Variants in CTBP2 observed in about 807,000 individuals in gnomAD.
CTBP2 encodes the protein C-terminal-binding protein 2.
CTBP2 carries 30 observed loss-of-function variants against 80.3 expected under a neutral mutation model. The ratio of observed to expected loss-of-function variants is 0.37; its 90% CI spans 0.28 to 0.51. The LOEUF is 0.51. CTBP2 is among the 20% of genes least tolerant of loss of function. The probability of loss-of-function intolerance (pLI) is 0.93; values close to 1 mark genes in which losing one functional copy is unlikely to be tolerated. For synonymous variants in CTBP2, 594 were observed against 587.4 expected, an observed-to-expected ratio of 1.01 and a Z score of -0.16; for missense variants, 1,212 against 1,375.3, an observed-to-expected ratio of 0.88 and a Z score of 1.88.
chr10:125,137,024 G>A (rs969632464), intron 1 of CTBP2, among the ~76,000 whole-genome samples: 5 of 152,182 alleles, frequency 3.3e-5, no homozygotes, highest in Admixed American at 2.0e-4. Flanking sequence ...CATCACCGCC[G>A]AAAACGAGAA....
At chr10:125,037,051 T>C (rs1271803727) in intron 3 of CTBP2, among the ~76,000 whole-genome samples, 1 of 152,242 alleles carries the variant, frequency 6.6e-6, no homozygotes, top group Non-Finnish European at 1.5e-5. Context: ...TCTGCGTTGA[T>C]AGTTATTGAG....
chr10:125,051,331 C>A (rs1962699307), intron 2 of CTBP2, among the ~76,000 whole-genome samples: 2 of 152,162 alleles, frequency 1.3e-5, no homozygotes, highest in African/African-American at 4.8e-5. Context: ...TCAATTAAGT[C>A]CCCAAAGCAA....
chr10:125,147,644 C>T (rs1859026981), intron 1 of CTBP2, among the ~76,000 whole-genome samples: 1 of 152,008 alleles, frequency 6.6e-6, no homozygotes, highest in South Asian at 2.1e-4. Flanking sequence ...CACCTGTAAT[C>T]CTAACACTTT....
Position 124,987,213 on chromosome 10 carries a change from A to G in CTBP2, c.*2305T>C, listed in dbSNP as rs1952072512. On this transcript the variant is annotated 3_prime_UTR_variant, in exon 9 of 9. Coordinates refer to ENST00000309035, the MANE Select transcript of CTBP2 (RefSeq NM_022802.3). ...CCAAGATAGAATATAGTCCTTTTTC[A>G]AAGATGATTATACGTGGCTAGGTGA... is the stretch of plus-strand genomic sequence containing the variant. 6.6e-6 allele frequency: 1 copy of G among 152,516 alleles called. No homozygotes were observed. The highest frequency in any genetic ancestry group is 2.4e-5 in the African/African-American group (1 of 41,396). The allele number at this position is 152,516 out of a possible 1,614,324, so 9.4% of individuals were successfully genotyped here.
chr10:125,081,206 C>T (rs938781254), intron 2 of CTBP2, among the ~76,000 whole-genome samples: 3 of 152,156 alleles, frequency 2.0e-5, no homozygotes, highest in Non-Finnish European at 2.9e-5. Flanking sequence ...CTGCTCTCTT[C>T]AAAAACATCA....
At chr10:125,024,009 G>A (rs1157719196) in intron 1 of CTBP2, among the ~76,000 whole-genome samples, 1 of 152,158 alleles carries the variant, frequency 6.6e-6, no homozygotes, top group Non-Finnish European at 1.5e-5. Context: ...AAGCAACACT[G>A]GATTTCCAGA....
intron 1 of CTBP2, among the ~76,000 whole-genome samples, chr10:125,137,749 TGC>T (rs1485007669): frequency 6.6e-6 from 1 of 152,250 alleles, no homozygotes; most frequent in Non-Finnish European, 1.5e-5. Flanking sequence ...AATAACCTTC[TGC>T]CAGCCTCTAG....
chr10:125,114,327 C>A (rs772673721), intron 1 of CTBP2, among the ~76,000 whole-genome samples: 2 of 152,122 alleles, frequency 1.3e-5, no homozygotes, highest in African/African-American at 4.8e-5. Flanking sequence ...TTAAACATCC[C>A]GCGGCAAATG....
intron 2 of CTBP2, among the ~76,000 whole-genome samples, chr10:125,065,491 G>A (rs913386463): frequency 2.0e-5 from 3 of 152,196 alleles, no homozygotes; most frequent in Admixed American, 6.5e-5. Flanking sequence ...GCGAGGTGGC[G>A]AAGGGAAGAG....
At chr10:125,119,755 T>C (rs1405275245) in intron 1 of CTBP2, among the ~76,000 whole-genome samples, 1 of 152,270 alleles carries the variant, frequency 6.6e-6, no homozygotes, top group African/African-American at 2.4e-5. Flanking sequence ...TTATTTCTTA[T>C]ACTTTCCTGT....
rs771314435 is a variant in CTBP2, at chr10:124,984,937, G to C, written c.*4581C>G. 1.2e-6 allele frequency: 2 copies of C among 1,613,920 alleles called. No individual in the cohort carries two copies. The highest frequency in any genetic ancestry group is 1.7e-6 in the Non-Finnish European group (2 of 1,179,996). On this transcript the variant is annotated 3_prime_UTR_variant, in exon 9 of 9. Coordinates refer to ENST00000309035, the MANE Select transcript of CTBP2 (RefSeq NM_022802.3). ...TGGCTTGACCGCTACCGACAGATCC[G>C]GCCGTGTACATCCCTGTCTGATGGA...
chr10:125,128,936 T>C (rs1037992785), intron 1 of CTBP2, among the ~76,000 whole-genome samples: 9 of 152,186 alleles, frequency 5.9e-5, no homozygotes, highest in African/African-American at 2.2e-4. Flanking sequence ...GAAACTGCGG[T>C]CGAGTCATTC....
chr10:125,097,028 A>G (rs1849647537), intron 2 of CTBP2, among the ~76,000 whole-genome samples: 1 of 152,238 alleles, frequency 6.6e-6, no homozygotes, highest in African/African-American at 2.4e-5. Context: ...CTCTCAGTAT[A>G]TAAAACTGTC....
At chr10:125,106,429 G>A (rs570090205) in intron 2 of CTBP2, among the ~76,000 whole-genome samples, 157 of 152,198 alleles carry the variant, frequency 1.0e-3, no homozygotes, top group Non-Finnish European at 1.8e-3. Flanking sequence ...TGAGTTTGGG[G>A]TTGCTTCATC....
intron 2 of CTBP2, among the ~76,000 whole-genome samples, chr10:125,044,349 C>T (rs1960687120): frequency 9.9e-6 from 1 of 101,082 alleles, no homozygotes; most frequent in Non-Finnish European, 2.3e-5. Flanking sequence ...GTGCTGGCGG[C>T]ACATCTGCAG....
At chr10:125,049,897 C>G (rs1220858470) in intron 2 of CTBP2, among the ~76,000 whole-genome samples, 1 of 152,188 alleles carries the variant, frequency 6.6e-6, no homozygotes, top group East Asian at 1.9e-4. Context: ...TCTGCCCAGC[C>G]TGACGTGACC....
chr10:125,127,936 G>C (rs552073191), intron 1 of CTBP2, among the ~76,000 whole-genome samples: 16 of 152,248 alleles, frequency 1.1e-4, no homozygotes, highest in Admixed American at 9.8e-4. Context: ...AGTCCTCAAA[G>C]AACTTTCCTG....
chr10:125,141,648 C>T (rs1019148570), intron 1 of CTBP2, among the ~76,000 whole-genome samples: 3 of 151,978 alleles, frequency 2.0e-5, no homozygotes, highest in Admixed American at 6.6e-5. Context: ...AAACACACGG[C>T]AAGTACATGG....
At chr10:125,145,020 G>T (rs1462889346) in intron 1 of CTBP2, among the ~76,000 whole-genome samples, 1 of 152,188 alleles carries the variant, frequency 6.6e-6, no homozygotes, top group African/African-American at 2.4e-5. Flanking sequence ...TTGGAGGGTG[G>T]AGAATCCCTC....
Sources: gnomAD v4.1 joint callset for allele counts (sites outside exome capture counted in the v4.1 genomes callset) on GRCh38, gnomAD v4.1.1 for gene constraint, MANE v1.5 for transcripts, NCBI Gene and HGNC (gene_info 2026-07-23, HGNC 2026-07-21) for gene names.